Variants in ARHGAP39 observed in about 807,000 individuals in gnomAD.
The protein encoded by ARHGAP39 is Rho GTPase activating protein 39.
Under a neutral mutation model 106.9 loss-of-function variants are expected in ARHGAP39, and 44 were observed. The ratio of observed to expected loss-of-function variants is 0.41; its 90% CI spans 0.32 to 0.53. The LOEUF (loss-of-function observed/expected upper bound fraction) is 0.53. Among genes scored for constraint, ARHGAP39 ranks in the 20% least tolerant of loss-of-function variants. The pLI, the probability that ARHGAP39 is intolerant of heterozygous loss-of-function variation, is 0.21. For missense variants in ARHGAP39, 1,496 were observed against 1,577.3 expected (o/e 0.95, Z 0.87); for synonymous variants, 768 against 693.2 (o/e 1.11, Z -1.69).
At chr8:144,597,812 T>C (rs1819679036) in intron 2 of ARHGAP39, among the ~76,000 whole-genome samples, 2 of 152,002 alleles carry the variant, frequency 1.3e-5, no homozygotes, top group South Asian at 4.2e-4. Flanking sequence ...CGTTGGCTCA[T>C]CAAAAGCCAC....
rs1266805340 is a variant in ARHGAP39, at chr8:144,586,858, C to A, written c.81-5581G>T. 2.6e-5 allele frequency among the ~76,000 whole-genome samples: 4 copies of A among 152,224 alleles called. No individual in the cohort carries two copies. Among genetic ancestry groups the A allele is most frequent in the Non-Finnish European group, 5.9e-5 (4 of 68,036 alleles). On this transcript the variant is annotated intron_variant, in intron 2 of 11. Transcript: ENST00000377307. The surrounding 1 kb of genome is among the most constrained non-coding windows in gnomAD (Gnocchi z 4.2). ...TACATGGCTGCACGCCCATCTCATA[C>A]ACCAGGATGGGCAATGATATGGTTT...
In ARHGAP39 at chr8:144,533,835, T is replaced by C. The variant is rs530219675; in HGVS notation, c.2688+294A>G. On this transcript the variant is annotated intron_variant, in intron 8 of 11. Coordinates refer to ENST00000377307, the MANE Select transcript of ARHGAP39 (RefSeq NM_025251.3). ...AGGATGTGGGGAAGGGGCCAGGCTCTTGGGACAGGTCCAGGGAACGGGGTC... is the reference window on the plus strand; with the variant it reads ...AGGATGTGGGGAAGGGGCCAGGCTCCTGGGACAGGTCCAGGGAACGGGGTC... 2.6e-5 allele frequency among the ~76,000 whole-genome samples: 4 copies of C among 151,962 alleles called. No individual in the cohort carries two copies. The East Asian group carries it at 5.9e-4, about 22-fold the overall frequency.
At chr8:144,698,221 C>T in the ARHGAP39 span, among the ~76,000 whole-genome samples, 27 of 152,278 alleles carry the variant, frequency 1.8e-4, 1 homozygote, top group Middle Eastern at 0.014. Flanking sequence ...TACCCACTCT[C>T]TTTCTTGCCT....
intron 1 of ARHGAP39, among the ~76,000 whole-genome samples, chr8:144,666,670 G>A (rs1411243933): frequency 1.3e-5 from 2 of 152,144 alleles, no homozygotes; most frequent in Non-Finnish European, 2.9e-5. Context: ...CTCCCGCTAT[G>A]ATTCTGAGGG....
At position 144,570,294 on chromosome 8, in the gene ARHGAP39, T is replaced by C. The variant is rs551414152; in HGVS notation, c.512+10552A>G. ...GCAGAACGTGAGATGATGAACTAAATCCTCTTGTTGCATCAGCAATCTCGT... is the reference window on the plus strand; with the variant it reads ...GCAGAACGTGAGATGATGAACTAAACCCTCTTGTTGCATCAGCAATCTCGT... On this transcript the variant is annotated intron_variant, in intron 3 of 11. Transcript: ENST00000377307. 4.6e-5 allele frequency among the ~76,000 whole-genome samples: 7 copies of C among 152,200 alleles called. No individual in the cohort carries two copies. The East Asian group carries it at 1.2e-3, about 25-fold the overall frequency.
chr8:144,553,039 C>T (rs1817778576), intron 4 of ARHGAP39, among the ~76,000 whole-genome samples: 1 of 152,200 alleles, frequency 6.6e-6, no homozygotes, highest in Non-Finnish European at 1.5e-5. Flanking sequence ...GGCTGGACAC[C>T]AGCTCTCCTC....
At chr8:144,596,475 A>G (rs576830580) in intron 2 of ARHGAP39, among the ~76,000 whole-genome samples, 1 of 152,334 alleles carries the variant, frequency 6.6e-6, no homozygotes, top group East Asian at 1.9e-4. Flanking sequence ...CAAGTGACTC[A>G]AAAGTTAAGC....
At chr8:144,602,447 G>A (rs117493739) in intron 2 of ARHGAP39, among the ~76,000 whole-genome samples, 1,961 of 146,068 alleles carry the variant, frequency 0.013, 24 homozygotes, top group Non-Finnish European at 0.022. Context: ...GGAGTTGTGC[G>A]TGCGAGCTCG....
intron 1 of ARHGAP39, among the ~76,000 whole-genome samples, chr8:144,643,931 A>C (rs1390200199): frequency 2.0e-5 from 3 of 152,212 alleles, no homozygotes; most frequent in Non-Finnish European, 2.9e-5. Context: ...AAAGGGAGAA[A>C]AAAAATAAGT....
the ARHGAP39 span, chr8:144,699,027 G>A: frequency 5.4e-6 from 2 of 372,712 alleles, no homozygotes; most frequent in South Asian, 2.0e-5. Flanking sequence ...AAAAAGCAGG[G>A]TCCTGGAGTT....
rs1817362435 is a variant in ARHGAP39, at chr8:144,545,293, T to G, written c.2477A>C (p.Glu826Ala). 6.4e-7 allele frequency: 1 copy of G among 1,572,710 alleles called. No homozygotes were observed. The highest frequency in any genetic ancestry group is 8.7e-7 in the Non-Finnish European group (1 of 1,154,498). Residue 826 changes from glutamate to alanine, a missense_variant, in exon 6 of 12, where the codon GAA becomes GCA. Physicochemically the swap from Glu to Ala is moderately radical, Grantham distance 107. Coordinates refer to ENST00000377307, the MANE Select transcript of ARHGAP39 (RefSeq NM_025251.3). ...PPTPKFHSYL[E>A]GYIYRHMDPV... ...GTCCATGTGCCGGTAGATGTAGCCT[T>G]CCAGGTAGGAGTGGAACTTGGGGGT...
intron 1 of ARHGAP39, among the ~76,000 whole-genome samples, chr8:144,636,545 A>G: frequency 6.6e-6 from 1 of 152,356 alleles, no homozygotes; most frequent in East Asian, 1.9e-4. Flanking sequence ...GATGCCCAGG[A>G]GGGCGGGACG....
At chr8:144,616,756 G>T (rs754379610) in intron 1 of ARHGAP39, among the ~76,000 whole-genome samples, 10 of 152,252 alleles carry the variant, frequency 6.6e-5, no homozygotes, top group Non-Finnish European at 1.5e-4. Context: ...GACGGCGAGT[G>T]CCAGTGGCAT....
Position 144,604,155 on chromosome 8 carries a change from AG to A in ARHGAP39, c.80+1379del, listed in dbSNP as rs564622518. ...ACCACACAGGGAGGCACAAAGCATC[AG>A]ACACGGAGCCGGGCCCAGAGCGCCC... On this transcript the variant is annotated intron_variant, in intron 2 of 11. Coordinates refer to ENST00000377307, the MANE Select transcript of ARHGAP39 (RefSeq NM_025251.3). The surrounding 1 kb of genome is among the most constrained non-coding windows in gnomAD (Gnocchi z 4.1). Among the ~76,000 whole-genome samples the A allele has an allele frequency of 4.4e-3, 664 of 152,322 alleles. 4 individuals are homozygous for A. The highest frequency in any genetic ancestry group is 0.031 in the Middle Eastern group (9 of 294).
At chr8:144,576,703 C>T (rs975342161) in intron 3 of ARHGAP39, among the ~76,000 whole-genome samples, 1 of 152,228 alleles carries the variant, frequency 6.6e-6, no homozygotes, top group African/African-American at 2.4e-5. Context: ...GGCCCGAAGC[C>T]GTCCATTCTG....
intron 1 of ARHGAP39, among the ~76,000 whole-genome samples, chr8:144,643,896 G>A (rs764548915): frequency 2.6e-5 from 4 of 151,726 alleles, no homozygotes; most frequent in Non-Finnish European, 5.9e-5. Context: ...GGATGGCTAG[G>A]GAAAAAAAGA....
chr8:144,571,838 C>T (rs1002352074), intron 3 of ARHGAP39, among the ~76,000 whole-genome samples: 1 of 152,152 alleles, frequency 6.6e-6, no homozygotes, highest in Non-Finnish European at 1.5e-5. Flanking sequence ...CATTCCTATA[C>T]ACCAATAACA....
chr8:144,580,912 G>T lies in ARHGAP39; in HGVS notation c.446C>A (p.Ala149Glu). 1 of 1,604,688 alleles carries T rather than the reference G, an allele frequency of 6.2e-7. No homozygotes were observed. The highest frequency in any genetic ancestry group is 8.5e-7 in the Non-Finnish European group (1 of 1,178,322). ...SLEPEPDTEK[A>E]QELPARAGRP... ...CCCGGCCCTCGCTGGCAACTCCTGCGCTTTCTCAGTGTCGGGCTCGGGCTC... is the reference window on the plus strand; with the variant it reads ...CCCGGCCCTCGCTGGCAACTCCTGCTCTTTCTCAGTGTCGGGCTCGGGCTC... The change falls in exon 3 of 12, where the codon GCG (alanine) becomes GAG (glutamate). Residue 149 changes from alanine (A) to glutamate (E), a missense_variant. Ala to Glu is a moderately radical substitution (Grantham distance 107). Around this residue, in one of 4 missense-constraint regions of ARHGAP39, gnomAD observed 905 missense variants for 816.4 expected, o/e 1.11. Transcript: ENST00000377307.
intron 3 of ARHGAP39, among the ~76,000 whole-genome samples, chr8:144,580,303 C>T (rs924602784): frequency 6.6e-6 from 1 of 152,150 alleles, no homozygotes; most frequent in African/African-American, 2.4e-5. Context: ...ACACACCCCA[C>T]GCCCGCACGC....
Sources: gnomAD v4.1 joint callset for allele counts (sites outside exome capture counted in the v4.1 genomes callset) on GRCh38, gnomAD v4.1.1 for gene constraint, gnomAD v4.1.1 regional missense constraint, Gnocchi (gnomAD v3.1) non-coding constraint, MANE v1.5 for transcripts, NCBI Gene and HGNC (gene_info 2026-07-23, HGNC 2026-07-21) for gene names.